The following MYO3B variants were observed in gnomAD, a reference collection of about 807,000 sequenced individuals.
The protein encoded by MYO3B is myosin IIIB.
Under a neutral mutation model 174.6 loss-of-function variants are expected in MYO3B, and 156 were observed. That is an observed-to-expected ratio of 0.89 (90% CI 0.78 to 1.02). The LOEUF (loss-of-function observed/expected upper bound fraction) is 1.02, where lower values mean the gene tolerates loss of function less well. Among genes scored for constraint, MYO3B ranks in the 50% least tolerant of loss-of-function variants. The pLI is 0.00. For missense variants in MYO3B, 1,632 were observed against 1,639.4 expected (o/e 1.00, Z 0.08); for synonymous variants, 563 against 569.1 (o/e 0.99, Z 0.15).
chr2:170,496,637 T>A (rs1389811777), intron 25 of MYO3B, among the ~76,000 whole-genome samples: 2 of 148,654 alleles, frequency 1.3e-5, no homozygotes, highest in African/African-American at 4.9e-5. Flanking sequence ...TACATATTTT[T>A]ATATATATGT....
At chr2:170,378,077 A>AT (rs11436494) in intron 9 of MYO3B, among the ~76,000 whole-genome samples, 126,482 of 152,040 alleles carry the variant, frequency 0.83, 54,652 homozygotes, top group Non-Finnish European at 0.96. Context: ...ACTCAATAAA[A>AT]TTAAAAAAAT....
At chr2:170,455,172 A>G (rs531379111) in intron 23 of MYO3B, among the ~76,000 whole-genome samples, 1 of 152,354 alleles carries the variant, frequency 6.6e-6, no homozygotes, top group South Asian at 2.1e-4. Flanking sequence ...CTAATTTGTT[A>G]GTCCTGCAAA....
At chr2:170,616,918 T>C (rs79098490) in intron 32 of MYO3B, among the ~76,000 whole-genome samples, 3,526 of 152,304 alleles carry the variant, frequency 0.023, 178 homozygotes, top group East Asian at 0.15. Context: ...ACAGACTCAT[T>C]ATATTGAAAT....
intron 25 of MYO3B, among the ~76,000 whole-genome samples, chr2:170,491,875 A>C (rs1469854605): frequency 6.6e-6 from 1 of 152,136 alleles, no homozygotes; most frequent in Non-Finnish European, 1.5e-5. Flanking sequence ...TCAATGTGGC[A>C]AAACCCTGTC....
intron 14 of MYO3B, among the ~76,000 whole-genome samples, chr2:170,389,200 A>G (rs954455228): frequency 5.9e-5 from 9 of 152,202 alleles, no homozygotes; most frequent in Non-Finnish European, 1.0e-4. Flanking sequence ...AATGAGATGA[A>G]GAGAAGATGG....
intron 22 of MYO3B, among the ~76,000 whole-genome samples, chr2:170,422,046 G>A (rs1160799684): frequency 6.6e-6 from 1 of 152,162 alleles, no homozygotes; most frequent in Non-Finnish European, 1.5e-5. Flanking sequence ...CTTTGCATCT[G>A]GCAGATTTGA....
chr2:170,506,965 A>G (rs967419044), intron 28 of MYO3B, among the ~76,000 whole-genome samples: 2 of 152,144 alleles, frequency 1.3e-5, no homozygotes, highest in African/African-American at 4.8e-5. Context: ...CCTCTATTTC[A>G]CTTTTTCTTC....
At chr2:170,547,133 C>T (rs1158622354) in intron 32 of MYO3B, among the ~76,000 whole-genome samples, 1 of 143,250 alleles carries the variant, frequency 7.0e-6, no homozygotes, top group Non-Finnish European at 1.5e-5. Context: ...TCCTGGCTAA[C>T]ACAGTGAAAC....
intron 29 of MYO3B, among the ~76,000 whole-genome samples, chr2:170,516,003 A>G (rs963366021): frequency 2.0e-5 from 3 of 152,190 alleles, no homozygotes; most frequent in Non-Finnish European, 4.4e-5. Flanking sequence ...GTGTCTGGCT[A>G]TTACTGACTG....
At chr2:170,640,898 A>C (rs1697905680) in intron 32 of MYO3B, 1 of 152,130 alleles carries the variant, frequency 6.6e-6, no homozygotes, top group Non-Finnish European at 1.5e-5. Context: ...ATTTAAGCAA[A>C]AAAAAAAATC....
chr2:170,501,994 A>G, intron 28 of MYO3B, 129 bp downstream of exon 28: 1 of 637,994 alleles, frequency 1.6e-6, no homozygotes, highest in Non-Finnish European at 2.7e-6. Context: ...GGGAGACAGG[A>G]GTCCTAGTGT....
Position 170,421,779 on chromosome 2 carries a change from G to A in MYO3B, c.2650+13935G>A, listed in dbSNP as rs138271387. On this transcript the variant is annotated intron_variant, in intron 22 of 34. Coordinates refer to ENST00000408978, the MANE Select transcript of MYO3B (RefSeq NM_138995.5). The stretch of plus-strand genomic sequence containing the variant: ...GTAAAGCTTATTGAGGGGAAAATAC[G>A]TGTATGATGTGGCTGTGGGGTGAAA... Among the ~76,000 whole-genome samples, 715 of 152,308 alleles carry A rather than the reference G, an allele frequency of 4.7e-3. 1 individual carries two copies. Among genetic ancestry groups the A allele is most frequent in the Non-Finnish European group, 6.8e-3 (464 of 68,030 alleles).
chr2:170,307,300 C>T (rs530261787), intron 7 of MYO3B, among the ~76,000 whole-genome samples: 2 of 147,494 alleles, frequency 1.4e-5, no homozygotes, highest in Non-Finnish European at 3.0e-5. Flanking sequence ...TTAGGTTGCT[C>T]ATAATATTAT....
chr2:170,297,535 G>A (rs114218684), intron 7 of MYO3B, among the ~76,000 whole-genome samples: 1,721 of 152,240 alleles, frequency 0.011, 38 homozygotes, highest in African/African-American at 0.038. Context: ...TATCTATAAA[G>A]GAATTAATTT....
At chr2:170,195,080 G>A (rs113130282) in intron 1 of MYO3B, among the ~76,000 whole-genome samples, 16,391 of 151,812 alleles carry the variant, frequency 0.11, 1,191 homozygotes, top group Non-Finnish European at 0.15. Flanking sequence ...GCCTCTCCCA[G>A]TCCACTAACT....
chr2:170,574,642 G>T (rs908599378), intron 32 of MYO3B, among the ~76,000 whole-genome samples: 4 of 152,116 alleles, frequency 2.6e-5, no homozygotes, highest in African/African-American at 9.7e-5. Context: ...CTTGTAAAAA[G>T]GACAGTTATG....
chr2:170,548,022 G>T (rs952627226), intron 32 of MYO3B, among the ~76,000 whole-genome samples: 1 of 146,928 alleles, frequency 6.8e-6, no homozygotes, highest in African/African-American at 2.5e-5. Context: ...CAGGAGAATG[G>T]TGTGAACCCG....
At chr2:170,493,636 C>T (rs1686640185) in intron 25 of MYO3B, among the ~76,000 whole-genome samples, 1 of 152,156 alleles carries the variant, frequency 6.6e-6, no homozygotes, top group South Asian at 2.1e-4. Flanking sequence ...CTTAGTGACT[C>T]ACTTCTAAGG....
chr2:170,265,456 A>T (rs1198541284), intron 7 of MYO3B, among the ~76,000 whole-genome samples: 1 of 152,254 alleles, frequency 6.6e-6, no homozygotes, highest in Non-Finnish European at 1.5e-5. Flanking sequence ...AATCAGAGTT[A>T]TTAGGAACAC....
Sources: gnomAD v4.1 joint callset for allele counts (sites outside exome capture counted in the v4.1 genomes callset) on GRCh38, gnomAD v4.1.1 for gene constraint, MANE v1.5 for transcripts, NCBI Gene and HGNC (gene_info 2026-07-23, HGNC 2026-07-21) for gene names.